SIL1: variants seen among roughly 807,000 people sequenced by gnomAD.
The protein encoded by SIL1 is nucleotide exchange factor SIL1.
SIL1 carries 40 observed loss-of-function variants against 49.1 expected under a neutral mutation model. The ratio of observed to expected loss-of-function variants is 0.81; its 90% CI spans 0.63 to 1.06. The LOEUF (loss-of-function observed/expected upper bound fraction) is 1.06, where lower values mean the gene tolerates loss of function less well. SIL1 is among the 50% of genes least tolerant of loss of function. The pLI is 0.00. For missense variants in SIL1, 500 were observed against 572.6 expected, an observed-to-expected ratio of 0.87 and a Z score of 1.29; for synonymous variants, 253 against 250.8, an observed-to-expected ratio of 1.01 and a Z score of -0.08.
chr5:139,156,260 T>C lies in SIL1; in HGVS notation c.-10-28407A>G, dbSNP rs1386280156. ...CAATTTAGTACAGAATATTTGATAATCATTTTTATTTTACAGATAAGAAAA... is the reference window on the plus strand; with the variant it reads ...CAATTTAGTACAGAATATTTGATAACCATTTTTATTTTACAGATAAGAAAA... On this transcript the variant is annotated intron_variant, in intron 1 of 9. Coordinates refer to ENST00000394817, the MANE Select transcript of SIL1 (RefSeq NM_022464.5). 2.6e-5 allele frequency among the ~76,000 whole-genome samples: 4 copies of C among 152,228 alleles called. No homozygotes were observed. The East Asian group carries it at 7.7e-4, about 29-fold the overall frequency.
chr5:139,058,305 G>T (rs1195274683), intron 3 of SIL1, among the ~76,000 whole-genome samples: 1 of 151,834 alleles, frequency 6.6e-6, no homozygotes, highest in East Asian at 1.9e-4. Flanking sequence ...TTAGACAGTG[G>T]CAGTAATTGC....
At chr5:139,126,366 G>A (rs553396499) in intron 2 of SIL1, among the ~76,000 whole-genome samples, 131 of 152,272 alleles carry the variant, frequency 8.6e-4, no homozygotes, top group African/African-American at 2.9e-3. Context: ...ATCCAAAAGG[G>A]ACTTCCTAAC....
chr5:138,962,454 C>T (rs981980853), intron 7 of SIL1, among the ~76,000 whole-genome samples: 4 of 152,134 alleles, frequency 2.6e-5, no homozygotes, highest in Non-Finnish European at 5.9e-5. Flanking sequence ...CTCTCTGTAC[C>T]TCAGTTTCTG....
At chr5:138,965,783 C>G (rs1043746424) in intron 7 of SIL1, among the ~76,000 whole-genome samples, 5 of 139,410 alleles carry the variant, frequency 3.6e-5, no homozygotes, top group Non-Finnish European at 7.6e-5. Context: ...GAATCCTGGA[C>G]TTCTTTCTGT....
At position 139,126,575 on chromosome 5, in the gene SIL1, T is replaced by A. The variant is rs372546217; in HGVS notation, c.105+1164A>T. Among the ~76,000 whole-genome samples, 4 of 152,188 alleles carry A rather than the reference T, an allele frequency of 2.6e-5. No individual in the cohort carries two copies. The East Asian group carries it at 5.8e-4, about 22-fold the overall frequency. On this transcript the variant is annotated intron_variant, in intron 2 of 9. Transcript: ENST00000394817. Reference sequence around the variant, plus strand: ...AACCTCACGCTGTAGCCAGTCCCATTCTCAGGGGCCCCTGGGATCCCATTC... The same window carrying A: ...AACCTCACGCTGTAGCCAGTCCCATACTCAGGGGCCCCTGGGATCCCATTC...
At chr5:139,144,830 C>G (rs1426836389) in intron 1 of SIL1, among the ~76,000 whole-genome samples, 1 of 151,938 alleles carries the variant, frequency 6.6e-6, no homozygotes, top group Non-Finnish European at 1.5e-5. Flanking sequence ...GAGACTGAGC[C>G]ACTGCACTCC....
chr5:138,947,383 A>T lies in SIL1; in HGVS notation c.1120T>A (p.Trp374Arg). ...GTGATCTCGCACCAGCCCTGTTCCC[A>T]CAGGCCTGGCAGGAGGTGTACCTGG... is the stretch of plus-strand genomic sequence containing the variant. ...YRQVHLLPGL[W>R]EQGWCEITAH... Residue 374 changes from tryptophan (W) to arginine (R), a missense_variant, in exon 10 of 10, where the codon TGG becomes AGG. Transcript: ENST00000394817. The surrounding 1 kb of genome is among the most constrained non-coding windows in gnomAD (Gnocchi z 4.1). The T allele has an allele frequency of 6.2e-7, 1 of 1,613,618 alleles. No individual in the cohort carries two copies. The highest frequency in any genetic ancestry group is 8.5e-7 in the Non-Finnish European group (1 of 1,179,992).
In SIL1 at chr5:139,042,153, C is replaced by A. The variant is rs545920565; in HGVS notation, c.453+467G>T. 1.0e-3 allele frequency among the ~76,000 whole-genome samples: 152 copies of A among 152,334 alleles called. 2 individuals carry two copies. Among genetic ancestry groups the A allele is most frequent in the African/African-American group, 3.5e-3 (145 of 41,570 alleles). On this transcript the variant is annotated intron_variant, in intron 5 of 9. Coordinates refer to ENST00000394817, the MANE Select transcript of SIL1 (RefSeq NM_022464.5). ...TGTTTTAAATTTAAGGAATCTGAAG[C>A]CTAGAAGAAACACATTTGCTACATG...
In SIL1 at chr5:139,035,152, C is replaced by G. The variant is rs535350790; in HGVS notation, c.453+7468G>C. 1.5e-4 allele frequency: 50 copies of G among 323,514 alleles called. No individual in the cohort carries two copies. The South Asian group carries it at 1.8e-3, about 11-fold the overall frequency. The allele number at this position is 323,514 out of a possible 1,614,324, so 20.0% of individuals were successfully genotyped here. On this transcript the variant is annotated intron_variant, in intron 5 of 9. Coordinates refer to ENST00000394817, the MANE Select transcript of SIL1 (RefSeq NM_022464.5). ...TTGAAATATTTTCCTTTGTGCTTAA[C>G]TAGCTGGGCATTCCACTGCACCACT... is the stretch of plus-strand genomic sequence containing the variant.
At chr5:139,188,487 G>A (rs947744913) in intron 1 of SIL1, among the ~76,000 whole-genome samples, 2 of 152,112 alleles carry the variant, frequency 1.3e-5, no homozygotes, top group African/African-American at 4.8e-5. Context: ...ATAGTGCTTG[G>A]ATTTTTTTAA....
chr5:139,023,026 C>G (rs1768563605), intron 6 of SIL1, among the ~76,000 whole-genome samples: 1 of 152,152 alleles, frequency 6.6e-6, no homozygotes, highest in African/African-American at 2.4e-5. Flanking sequence ...TCGGTCAGCT[C>G]CAAAGCAACA....
chr5:139,197,005 A>G (rs542532352), intron 1 of SIL1, among the ~76,000 whole-genome samples: 1 of 152,344 alleles, frequency 6.6e-6, no homozygotes, highest in African/African-American at 2.4e-5. Flanking sequence ...GAGGTGGCTC[A>G]TGCCTGTAAT....
chr5:138,959,520 C>T (rs972856686), intron 7 of SIL1, among the ~76,000 whole-genome samples: 2 of 152,194 alleles, frequency 1.3e-5, no homozygotes, highest in African/African-American at 4.8e-5. Context: ...CTAAGTCTAC[C>T]CTTGAAGAAA....
chr5:139,149,382 C>A (rs1257222643), intron 1 of SIL1, among the ~76,000 whole-genome samples: 1 of 152,210 alleles, frequency 6.6e-6, no homozygotes, highest in Non-Finnish European at 1.5e-5. Context: ...CCACCCCAAA[C>A]ACATCCAAAC....
chr5:139,024,435 T>A (rs576936743), intron 6 of SIL1, among the ~76,000 whole-genome samples: 36 of 152,346 alleles, frequency 2.4e-4, no homozygotes, highest in South Asian at 2.1e-3. Flanking sequence ...ATGAAGAGGC[T>A]GCCCCATAAT....
chr5:139,049,822 T>G (rs971953055), intron 4 of SIL1, among the ~76,000 whole-genome samples: 4 of 150,798 alleles, frequency 2.7e-5, no homozygotes, highest in African/African-American at 9.7e-5. Context: ...ATCATCATCA[T>G]CATCATCCAA....
intron 3 of SIL1, among the ~76,000 whole-genome samples, chr5:139,093,433 A>G (rs1406764114): frequency 6.6e-6 from 1 of 152,224 alleles, no homozygotes; most frequent in Non-Finnish European, 1.5e-5. Flanking sequence ...TTCAGAGCGC[A>G]GTTAGCTCCA....
chr5:139,034,269 G>C (rs1198344222), intron 5 of SIL1: 1 of 151,806 alleles, frequency 6.6e-6, no homozygotes, highest in Non-Finnish European at 1.5e-5. Context: ...ATGAAAATCT[G>C]TTTAATTGGT....
intron 3 of SIL1, among the ~76,000 whole-genome samples, chr5:139,075,306 T>A (rs1474764053): frequency 6.6e-6 from 1 of 152,194 alleles, no homozygotes; most frequent in East Asian, 1.9e-4. Flanking sequence ...CATGACATTT[T>A]AAAAACTCCC....
Sources: allele counts gnomAD v4.1 joint callset (sites outside exome capture counted in the v4.1 genomes callset), GRCh38; gene constraint gnomAD v4.1.1; non-coding constraint Gnocchi (gnomAD v3.1); transcripts MANE v1.5; gene names NCBI Gene and HGNC (gene_info 2026-07-23, HGNC 2026-07-21).